CADM2: variants seen among roughly 807,000 people sequenced by gnomAD.
The protein encoded by CADM2 is immunoglobulin superfamily member 4D.
A neutral mutation model predicts 49.8 loss-of-function variants in CADM2; 12 were observed. The ratio of observed to expected loss-of-function variants is 0.24; its 90% CI spans 0.15 to 0.39. The LOEUF (loss-of-function observed/expected upper bound fraction) is 0.39, where lower values mean the gene tolerates loss of function less well. CADM2 is among the 10% of genes least tolerant of loss of function. The probability of loss-of-function intolerance (pLI) is 1.00; values close to 1 mark genes in which losing one functional copy is unlikely to be tolerated. For synonymous variants in CADM2, 214 were observed against 175.4 expected (o/e 1.22, Z -1.74); for missense variants, 378 against 492.3 (o/e 0.77, Z 2.20).
At chr3:85,566,085 CT>C (rs1406901484) in intron 1 of CADM2, among the ~76,000 whole-genome samples, 1 of 152,066 alleles carries the variant, frequency 6.6e-6, no homozygotes, top group African/African-American at 2.4e-5. Flanking sequence ...TGTTTTAAAA[CT>C]TTGTTTTGTT....
At chr3:84,962,273 TAA>T (rs77816542) in intron 1 of CADM2, among the ~76,000 whole-genome samples, 19 of 140,224 alleles carry the variant, frequency 1.4e-4, no homozygotes, top group Admixed American at 2.9e-4. Flanking sequence ...TACGAGGATT[TAA>T]AAAAAAAAAA....
chr3:86,009,888 G>A (rs1731283647), intron 8 of CADM2, among the ~76,000 whole-genome samples: 1 of 151,672 alleles, frequency 6.6e-6, no homozygotes, highest in Non-Finnish European at 1.5e-5. Context: ...AATAACAAAT[G>A]CATTATGTCA....
At position 85,084,565 on chromosome 3, in the gene CADM2, A is replaced by G. The variant is rs1050592925; in HGVS notation, c.61+124897A>G. Among the ~76,000 whole-genome samples, 8 of 152,206 alleles carry G rather than the reference A, an allele frequency of 5.3e-5. 1 individual carries two copies. The highest frequency in any genetic ancestry group is 1.9e-4 in the African/African-American group (8 of 41,468). ...AGATTGTGAAGACTTAATAGGAAAC[A>G]AAGAATGTAAAATGTCACATTCATA... On this transcript the variant is annotated intron_variant, in intron 1 of 9. Transcript: ENST00000383699.
chr3:85,921,754 ATCTCTC>A (rs147793987), intron 6 of CADM2, among the ~76,000 whole-genome samples: 13 of 148,018 alleles, frequency 8.8e-5, no homozygotes, highest in African/African-American at 3.0e-4. Context: ...ATCTACTGTT[ATCTCTC>A]TCTCTCTCTC....
At chr3:85,763,745 CT>C (rs2069510463) in intron 2 of CADM2, among the ~76,000 whole-genome samples, 1 of 152,136 alleles carries the variant, frequency 6.6e-6, no homozygotes, top group Admixed American at 6.6e-5. Flanking sequence ...TTTCTCATTT[CT>C]TTCCTCCCAT....
chr3:85,369,837 T>C (rs1038352781), intron 1 of CADM2, among the ~76,000 whole-genome samples: 1 of 151,992 alleles, frequency 6.6e-6, no homozygotes, highest in African/African-American at 2.4e-5. Context: ...TGAAGAAAAA[T>C]TGATGCCACA....
At chr3:85,104,283 AG>A (rs1408348751) in intron 1 of CADM2, among the ~76,000 whole-genome samples, 1 of 151,394 alleles carries the variant, frequency 6.6e-6, no homozygotes, top group Non-Finnish European at 1.5e-5. Context: ...CAGTTTTCCC[AG>A]CACCATTTAT....
chr3:85,501,573 AAT>A lies in CADM2; in HGVS notation c.62-224944_62-224943del, dbSNP rs541421698. On this transcript the variant is annotated intron_variant, in intron 1 of 9. Coordinates refer to ENST00000383699, the MANE Select transcript of CADM2 (RefSeq NM_001167675.2). ...AAATATTATTACCAGTTAGCTTGAA[AAT>A]ATATGACACCAGACAACTTAAATTC... Among the ~76,000 whole-genome samples, 469 of 152,276 alleles carry A rather than the reference AAT, an allele frequency of 3.1e-3. 1 individual carries two copies. The highest frequency in any genetic ancestry group is 0.01 in the African/African-American group (417 of 41,572).
chr3:85,223,533 G>A lies in CADM2; in HGVS notation c.61+263865G>A, dbSNP rs554068642. Among the ~76,000 whole-genome samples the A allele has an allele frequency of 3.3e-5, 5 of 152,234 alleles. No homozygotes were observed. In the South Asian group the frequency reaches 8.3e-4, roughly 25 times the overall value. On this transcript the variant is annotated intron_variant, in intron 1 of 9. Coordinates refer to ENST00000383699, the MANE Select transcript of CADM2 (RefSeq NM_001167675.2). ...TCCCGGAGTAGGACATTACAATGGG[G>A]ATAGTAATGTAAACTATGTGTGTAT...
chr3:85,224,766 G>C (rs956257961), intron 1 of CADM2, among the ~76,000 whole-genome samples: 6 of 152,172 alleles, frequency 3.9e-5, no homozygotes, highest in South Asian at 2.1e-4. Context: ...TCCATCCTGA[G>C]TTAATTTTTG....
intron 1 of CADM2, among the ~76,000 whole-genome samples, chr3:85,691,155 C>T (rs1325640343): frequency 6.6e-6 from 1 of 152,176 alleles, no homozygotes; most frequent in Non-Finnish European, 1.5e-5. Context: ...TTAGACTCCA[C>T]ATATGAATGA....
At chr3:85,932,197 G>GA (rs146659599) in intron 6 of CADM2, among the ~76,000 whole-genome samples, 29 of 151,884 alleles carry the variant, frequency 1.9e-4, no homozygotes, top group Non-Finnish European at 7.4e-5. Flanking sequence ...ATTGATTATG[G>GA]AAAAAAACAA....
intron 1 of CADM2, among the ~76,000 whole-genome samples, chr3:85,394,016 C>T (rs917280611): frequency 6.6e-6 from 1 of 152,056 alleles, no homozygotes; most frequent in Admixed American, 6.5e-5. Context: ...AGGAAGCTCT[C>T]GATCTCCTGA....
At chr3:85,480,630 T>C (rs2039172101) in intron 1 of CADM2, among the ~76,000 whole-genome samples, 1 of 151,878 alleles carries the variant, frequency 6.6e-6, no homozygotes, top group Admixed American at 6.6e-5. Context: ...AACCTTTGAG[T>C]ATACTGACCT....
At chr3:85,132,084 T>C (rs1305873390) in intron 1 of CADM2, among the ~76,000 whole-genome samples, 2 of 152,204 alleles carry the variant, frequency 1.3e-5, no homozygotes, top group African/African-American at 4.8e-5. Context: ...TTTCCTGAAA[T>C]GAGAAGGGAT....
chr3:85,956,421 A>T (rs1184358842), intron 7 of CADM2, among the ~76,000 whole-genome samples: 1 of 151,686 alleles, frequency 6.6e-6, no homozygotes, highest in Non-Finnish European at 1.5e-5. Context: ...AAGCTTGAAC[A>T]TTTTAAATAC....
chr3:85,657,713 GATAT>G (rs142144662), intron 1 of CADM2, among the ~76,000 whole-genome samples: 3 of 45,384 alleles, frequency 6.6e-5, no homozygotes, highest in African/African-American at 1.4e-4. Flanking sequence ...TATATACACA[GATAT>G]ATATATATAC....
intron 2 of CADM2, among the ~76,000 whole-genome samples, chr3:85,775,550 C>A (rs144537741): frequency 0.01 from 1,575 of 151,830 alleles, 29 homozygotes; most frequent in African/African-American, 0.034. Context: ...TTAAGATAAT[C>A]GTTTGTACTC....
At chr3:85,191,319 A>G (rs993953125) in intron 1 of CADM2, among the ~76,000 whole-genome samples, 11 of 152,194 alleles carry the variant, frequency 7.2e-5, no homozygotes, top group Admixed American at 6.6e-4. Flanking sequence ...CACTTTTATA[A>G]CAAATATATA....
Sources: gnomAD v4.1 joint callset for allele counts (sites outside exome capture counted in the v4.1 genomes callset) on GRCh38, gnomAD v4.1.1 for gene constraint, MANE v1.5 for transcripts, NCBI Gene and HGNC (gene_info 2026-07-23, HGNC 2026-07-21) for gene names.